SKAP1: variants seen among roughly 807,000 people sequenced by gnomAD.
The protein encoded by SKAP1 is src kinase-associated phosphoprotein 1.
SKAP1 carries 44 observed loss-of-function variants against 58.5 expected under a neutral mutation model. The observed-to-expected ratio is 0.75, with a 90% CI of 0.59 to 0.97. The LOEUF is 0.97. SKAP1 is among the 50% of genes least tolerant of loss of function. SKAP1 has a pLI of 0.00. For missense variants in SKAP1, 390 were observed against 435.2 expected (o/e 0.90, Z 0.92); for synonymous variants, 127 against 149.7 (o/e 0.85, Z 1.11).
chr17:48,310,866 G>A (rs1209046680), intron 4 of SKAP1, among the ~76,000 whole-genome samples: 1 of 152,000 alleles, frequency 6.6e-6, no homozygotes, highest in Non-Finnish European at 1.5e-5. Context: ...GATCTCATAC[G>A]AGGCTGGGTT....
intron 7 of SKAP1, among the ~76,000 whole-genome samples, chr17:48,183,053 T>G (rs1239822414): frequency 6.6e-6 from 1 of 151,886 alleles, no homozygotes; most frequent in African/African-American, 2.4e-5. Flanking sequence ...ACAGATGAAG[T>G]TGGAGAGTTG....
chr17:48,268,384 C>T (rs938178200), intron 4 of SKAP1, among the ~76,000 whole-genome samples: 4 of 152,150 alleles, frequency 2.6e-5, no homozygotes, highest in Non-Finnish European at 4.4e-5. Context: ...CCTTGAGTTA[C>T]CACCTATAAT....
At chr17:48,295,989 T>C (rs2065964963) in intron 4 of SKAP1, among the ~76,000 whole-genome samples, 1 of 152,118 alleles carries the variant, frequency 6.6e-6, no homozygotes, top group South Asian at 2.1e-4. Flanking sequence ...AAACTTAGTT[T>C]ACTCAAGATT....
At chr17:48,192,212 A>T (rs1215466233) in intron 4 of SKAP1, among the ~76,000 whole-genome samples, 1 of 152,094 alleles carries the variant, frequency 6.6e-6, no homozygotes, top group Non-Finnish European at 1.5e-5. Flanking sequence ...AGGCCTAAAA[A>T]TTAAATGAAA....
intron 4 of SKAP1, among the ~76,000 whole-genome samples, chr17:48,296,922 C>CTG (rs898424541): frequency 2.5e-4 from 38 of 151,840 alleles, no homozygotes. Flanking sequence ...GGAAGTTGAA[C>CTG]TGTAACCTCT....
intron 4 of SKAP1, among the ~76,000 whole-genome samples, chr17:48,277,130 CT>C (rs1223278212): frequency 6.6e-6 from 1 of 152,134 alleles, no homozygotes; most frequent in Non-Finnish European, 1.5e-5. Context: ...CAGAAATGAT[CT>C]CATTTACTTA....
intron 1 of SKAP1, among the ~76,000 whole-genome samples, chr17:48,422,859 C>CT (rs2067811992): frequency 6.6e-6 from 1 of 152,048 alleles, no homozygotes; most frequent in Non-Finnish European, 1.5e-5. Flanking sequence ...TACATGGCAA[C>CT]TTTTTAAAAA....
chr17:48,152,673 G>A (rs1043611122), intron 11 of SKAP1, among the ~76,000 whole-genome samples: 2 of 152,116 alleles, frequency 1.3e-5, no homozygotes, highest in African/African-American at 2.4e-5. Flanking sequence ...TTCAGTTTCC[G>A]CAGCCTTCAC....
intron 4 of SKAP1, among the ~76,000 whole-genome samples, chr17:48,214,749 C>A (rs1237465387): frequency 6.6e-6 from 1 of 151,258 alleles, no homozygotes; most frequent in Non-Finnish European, 1.5e-5. Flanking sequence ...TGGTGAAACC[C>A]TGACTCTACT....
chr17:48,369,259 G>A (rs1183100531), intron 2 of SKAP1, among the ~76,000 whole-genome samples: 3 of 152,058 alleles, frequency 2.0e-5, no homozygotes, highest in Non-Finnish European at 4.4e-5. Flanking sequence ...GAGAGGCCAA[G>A]GTGGGTATAT....
intron 12 of SKAP1, among the ~76,000 whole-genome samples, chr17:48,135,885 T>C (rs1199274073): frequency 7.9e-5 from 12 of 152,214 alleles, no homozygotes. Context: ...TCTTGGTCAG[T>C]CATATTGCAA....
At chr17:48,281,348 C>A (rs2065764593) in intron 4 of SKAP1, among the ~76,000 whole-genome samples, 1 of 152,074 alleles carries the variant, frequency 6.6e-6, no homozygotes, top group African/African-American at 2.4e-5. Flanking sequence ...TAAAGCACTT[C>A]AGTCTACTGG....
Position 48,430,153 on chromosome 17 carries a change from C to A in SKAP1, c.-33G>T, listed in dbSNP as rs749887253. 2 of 1,213,998 alleles carry A rather than the reference C, an allele frequency of 1.6e-6. No individual in the cohort carries two copies. Among genetic ancestry groups the A allele is most frequent in the Non-Finnish European group, 2.1e-6 (2 of 967,034 alleles). 75.2% of individuals were successfully genotyped at this position (1,213,998 alleles called of 1,614,324 possible). ...GGCGGGAGAGAGGCGGGACGGGGCG[C>A]GGGCCCTGGTCGGGAGGCGGACGGG... On this transcript the variant is annotated 5_prime_UTR_variant, in exon 1 of 13. Coordinates refer to ENST00000336915, the MANE Select transcript of SKAP1 (RefSeq NM_003726.4).
intron 1 of SKAP1, among the ~76,000 whole-genome samples, chr17:48,412,196 TAA>T (rs956854903): frequency 4.6e-5 from 7 of 151,966 alleles, no homozygotes; most frequent in Non-Finnish European, 8.8e-5. Flanking sequence ...GTTTTGCAAA[TAA>T]AAAAAAGATA....
intron 3 of SKAP1, among the ~76,000 whole-genome samples, chr17:48,356,113 G>A (rs1195781201): frequency 6.6e-6 from 1 of 152,018 alleles, no homozygotes; most frequent in Non-Finnish European, 1.5e-5. Context: ...AATTAGCTGC[G>A]CATGGTGGCT....
upstream of SKAP1, among the ~76,000 whole-genome samples, chr17:48,432,894 A>T (rs1598698133): frequency 2.0e-5 from 3 of 152,360 alleles, no homozygotes; most frequent in African/African-American, 7.2e-5. Flanking sequence ...GTCATAGCTT[A>T]CTTACACCAA....
chr17:48,186,949 G>A (rs1334470910), intron 6 of SKAP1, among the ~76,000 whole-genome samples: 2 of 152,186 alleles, frequency 1.3e-5, no homozygotes, highest in Non-Finnish European at 2.9e-5. Flanking sequence ...AAACTGTATC[G>A]CTGGCCTCTG....
intron 2 of SKAP1, among the ~76,000 whole-genome samples, chr17:48,374,538 T>G (rs1378964761): frequency 1.3e-5 from 2 of 152,166 alleles, no homozygotes; most frequent in Non-Finnish European, 2.9e-5. Flanking sequence ...GACGGACACC[T>G]AGTTGGGCAT....
chr17:48,320,756 C>G (rs904207535), intron 4 of SKAP1, among the ~76,000 whole-genome samples: 2 of 144,412 alleles, frequency 1.4e-5, no homozygotes, highest in African/African-American at 5.0e-5. Context: ...TCTACCTCCA[C>G]CAATTTTTTT....
Sources: gnomAD v4.1 joint callset for allele counts (sites outside exome capture counted in the v4.1 genomes callset) on GRCh38, gnomAD v4.1.1 for gene constraint, MANE v1.5 for transcripts, NCBI Gene and HGNC (gene_info 2026-07-23, HGNC 2026-07-21) for gene names.